The following MTA1 variants were observed in gnomAD, a reference collection of about 807,000 sequenced individuals.
MTA1 encodes metastasis-associated protein MTA1.
A neutral mutation model predicts 97.0 loss-of-function variants in MTA1; 15 were observed. That is an observed-to-expected ratio of 0.15 (90% CI 0.10 to 0.24). MTA1 has a LOEUF of 0.24. MTA1 is among the 10% of genes least tolerant of loss of function. The pLI, the probability that MTA1 is intolerant of heterozygous loss-of-function variation, is 1.00. For synonymous variants in MTA1, 435 were observed against 417.5 expected, an observed-to-expected ratio of 1.04 and a Z score of -0.51; for missense variants, 709 against 1,015.1, an observed-to-expected ratio of 0.70 and a Z score of 4.10.
chr14:105,466,327 C>T lies in MTA1; in HGVS notation c.1625-99C>T, dbSNP rs587608375. ...GTGGGGGCCGCATGGGGCTTAGTTC[C>T]TGGGGGTATCCCGGAACCATGAGGG... On this transcript the variant is annotated intron_variant, in intron 16 of 20. Coordinates refer to ENST00000331320, the MANE Select transcript of MTA1 (RefSeq NM_004689.4). The T allele has an allele frequency of 5.1e-3, 5,899 of 1,151,514 alleles. 30 individuals are homozygous for T. Among genetic ancestry groups the T allele is most frequent in the South Asian group, 0.013 (977 of 73,270 alleles). 71.3% of individuals were successfully genotyped at this position (1,151,514 alleles called of 1,614,324 possible).
intron 4 of MTA1, 67 bp from the exon 5 acceptor site, chr14:105,449,991 G>T (rs1466705776): frequency 6.2e-7 from 1 of 1,603,932 alleles, no homozygotes; most frequent in East Asian, 2.2e-5. Flanking sequence ...GGTGGGGCTG[G>T]TGGGGTGGGC....
chr14:105,466,079 C>T, intron 16 of MTA1: 2 of 270,574 alleles, frequency 7.4e-6, no homozygotes, highest in Non-Finnish European at 1.4e-5. Flanking sequence ...GCTCCGGGGG[C>T]CTGGACGTGG....
chr14:105,468,609 C>A (rs1242978909), intron 18 of MTA1, among the ~76,000 whole-genome samples: 2 of 152,186 alleles, frequency 1.3e-5, no homozygotes, highest in Non-Finnish European at 2.9e-5. Context: ...TGCTTCTGTT[C>A]CTTAAGGGAT....
chr14:105,454,393 C>T (rs1021164399), intron 7 of MTA1, 83 bp downstream of exon 7: 1 of 983,534 alleles, frequency 1.0e-6, no homozygotes, highest in Non-Finnish European at 1.6e-6. Context: ...GAGGCTGGGA[C>T]ATGGCCGTGT....
chr14:105,452,484 A>G (rs587633665), intron 6 of MTA1, among the ~76,000 whole-genome samples: 1 of 152,378 alleles, frequency 6.6e-6, no homozygotes, highest in African/African-American at 2.4e-5. Context: ...GTTCAAGAGC[A>G]GCCTGGGCAT....
chr14:105,460,327 A>T, intron 8 of MTA1, 31 bp from the exon 9 acceptor site: 2 of 1,580,868 alleles, frequency 1.3e-6, no homozygotes, highest in Non-Finnish European at 1.7e-6. Flanking sequence ...TGCTTGGCCG[A>T]CACTGTGGTC....
chr14:105,449,603 G>A (rs1002917142), intron 4 of MTA1, among the ~76,000 whole-genome samples, 194 bp downstream of exon 4: 2 of 152,218 alleles, frequency 1.3e-5, no homozygotes, highest in East Asian at 3.8e-4. Flanking sequence ...CGGCCTGAGG[G>A]TGACCTGCTG....
Position 105,419,871 on chromosome 14 carries a change from G to A in MTA1, c.-165G>A. On this transcript the variant is annotated 5_prime_UTR_variant, in exon 1 of 21. Coordinates refer to ENST00000331320, the MANE Select transcript of MTA1 (RefSeq NM_004689.4). ...GCCGCGGCCCTCCCGTCCCTGCGCGGCCTCGGCGGCCTCGGCGGCGGCGGC... is the reference window on the plus strand; with the variant it reads ...GCCGCGGCCCTCCCGTCCCTGCGCGACCTCGGCGGCCTCGGCGGCGGCGGC... 1 of 173,364 alleles carries A rather than the reference G, an allele frequency of 5.8e-6. No individual in the cohort carries two copies. Among genetic ancestry groups the A allele is most frequent in the African/African-American group, 2.4e-5 (1 of 40,830 alleles). 10.7% of individuals were successfully genotyped at this position (173,364 alleles called of 1,614,324 possible).
rs1296607212 is a variant in MTA1 at position 105,461,014 on chromosome 14, G to A, written c.942+61G>A. 24 of 1,533,372 alleles carry A rather than the reference G, an allele frequency of 1.6e-5. No individual in the cohort carries two copies. In the East Asian group the frequency reaches 2.3e-4, roughly 14 times the overall value. The allele number at this position is 1,533,372 out of a possible 1,614,324, so 95.0% of individuals were successfully genotyped here. ...CCATGCCCATCTCCAGGTAGGCTGC[G>A]GGGGTGTGGGCTCCACATCCCACTC... On this transcript the variant is annotated intron_variant, in intron 10 of 20. Coordinates refer to ENST00000331320, the MANE Select transcript of MTA1 (RefSeq NM_004689.4).
At chr14:105,438,407 G>C (rs1890598397) in intron 1 of MTA1, among the ~76,000 whole-genome samples, 1 of 152,196 alleles carries the variant, frequency 6.6e-6, no homozygotes, top group Non-Finnish European at 1.5e-5. Context: ...GAGGATCCGG[G>C]ATGGGGGCTG....
chr14:105,432,836 C>G (rs1367893410), intron 1 of MTA1, among the ~76,000 whole-genome samples: 1 of 152,194 alleles, frequency 6.6e-6, no homozygotes, highest in African/African-American at 2.4e-5. Context: ...CACAGATTTG[C>G]AGTGAGCTGC....
chr14:105,469,351 C>A, intron 18 of MTA1, 116 bp from the exon 19 acceptor site: 1 of 1,190,980 alleles, frequency 8.4e-7, no homozygotes, highest in South Asian at 1.3e-5. Context: ...TGGGCTGTGG[C>A]TTGGTTGGCA....
chr14:105,449,437 G>C (rs375504230), intron 4 of MTA1, 28 bp downstream of exon 4: 1 of 1,606,558 alleles, frequency 6.2e-7, no homozygotes, highest in South Asian at 1.1e-5. Flanking sequence ...CAAGGAGGGC[G>C]TCCTCCTGTC....
At chr14:105,428,285 A>G (rs1409197833) in intron 1 of MTA1, among the ~76,000 whole-genome samples, 2 of 151,858 alleles carry the variant, frequency 1.3e-5, no homozygotes, top group Admixed American at 1.3e-4. Flanking sequence ...TGGGCTTTTG[A>G]GTCTGGCGTC....
chr14:105,469,548 T>C, intron 19 of MTA1, 50 bp downstream of exon 19: 1 of 1,599,530 alleles, frequency 6.3e-7, no homozygotes, highest in Non-Finnish European at 8.6e-7. Context: ...CCATGAGCTC[T>C]CTGGGGTGTT....
chr14:105,468,416 G>A, intron 18 of MTA1: 3 of 1,276,242 alleles, frequency 2.4e-6, no homozygotes, highest in Non-Finnish European at 3.1e-6. Flanking sequence ...GGTGCCCTGA[G>A]GTATGGCTGT....
chr14:105,466,202 G>C, intron 16 of MTA1: 1 of 578,992 alleles, frequency 1.7e-6, no homozygotes, highest in Non-Finnish European at 3.1e-6. Flanking sequence ...GAAGCCCTGG[G>C]GTGCGGGACT....
chr14:105,430,862 C>T (rs2082156774), intron 1 of MTA1, among the ~76,000 whole-genome samples: 1 of 152,150 alleles, frequency 6.6e-6, no homozygotes, highest in Non-Finnish European at 1.5e-5. Context: ...TTTCAGTGCT[C>T]AGAAATAAAG....
rs1049636371 is a variant in MTA1, at chr14:105,463,704, G to A, written c.1076+153G>A. The A allele has an allele frequency of 8.3e-6, 6 of 718,988 alleles. No individual in the cohort carries two copies. In the Admixed American group the frequency reaches 1.1e-4, roughly 13 times the overall value. The allele number at this position is 718,988 out of a possible 1,614,324, so 44.5% of individuals were successfully genotyped here. The stretch of plus-strand genomic sequence containing the variant: ...CGGGAGGGCGGCCCAGGGCTGGGGG[G>A]TTCTGGCTGCAGACGCAGTGGCCAT... On this transcript the variant is annotated intron_variant, in intron 12 of 20. Transcript: ENST00000331320. This position sits in a 1 kb window ranked among gnomAD's most constrained non-coding sequence, Gnocchi z 5.9.
Sources: allele counts gnomAD v4.1 joint callset (sites outside exome capture counted in the v4.1 genomes callset), GRCh38; gene constraint gnomAD v4.1.1; non-coding constraint Gnocchi (gnomAD v3.1); transcripts MANE v1.5; gene names NCBI Gene and HGNC (gene_info 2026-07-23, HGNC 2026-07-21).